CHST9: variants seen among roughly 807,000 people sequenced by gnomAD.
CHST9 encodes carbohydrate sulfotransferase 9.
Under a neutral mutation model 44.4 loss-of-function variants are expected in CHST9, and 41 were observed. The ratio of observed to expected loss-of-function variants is 0.92; its 90% CI spans 0.72 to 1.20. The LOEUF is 1.20. Ranked by LOEUF, CHST9 falls within the 50% of genes most tolerant of loss-of-function variation. The probability of loss-of-function intolerance (pLI) is 0.00; values close to 1 mark genes in which losing one functional copy is unlikely to be tolerated. For missense variants in CHST9, 504 were observed against 516.5 expected, an observed-to-expected ratio of 0.98 and a Z score of 0.23; for synonymous variants, 171 against 178.4, an observed-to-expected ratio of 0.96 and a Z score of 0.33.
chr18:27,013,322 G>A (rs961998512), intron 4 of CHST9, among the ~76,000 whole-genome samples: 7 of 152,072 alleles, frequency 4.6e-5, no homozygotes, highest in South Asian at 2.1e-4. Flanking sequence ...AGCCCTTTAC[G>A]CACAACATTG....
rs1024738522 is a variant in CHST9 at position 26,908,454 on chromosome 18, A to C, written c.*7805T>G. 1 of 152,200 alleles carries C rather than the reference A, an allele frequency of 6.6e-6. No homozygotes were observed. Among genetic ancestry groups the C allele is most frequent in the Admixed American group, 6.5e-5 (1 of 15,270 alleles). The allele number at this position is 152,200 out of a possible 1,614,324, so 9.4% of individuals were successfully genotyped here. On this transcript the variant is annotated 3_prime_UTR_variant, in exon 6 of 6. Coordinates refer to ENST00000618847, the MANE Select transcript of CHST9 (RefSeq NM_031422.6). Reference sequence around the variant, plus strand: ...TAGGTAAGATGGGGAGGGATAGGAAAATATTCATTAAAAGGATACCAAAAA... The same window carrying C: ...TAGGTAAGATGGGGAGGGATAGGAACATATTCATTAAAAGGATACCAAAAA...
chr18:27,084,847 G>C (rs1046363770), intron 2 of CHST9, among the ~76,000 whole-genome samples: 3 of 151,876 alleles, frequency 2.0e-5, no homozygotes, highest in African/African-American at 7.3e-5. Context: ...CTAGTATGCT[G>C]TATCTCTGTT....
At chr18:27,140,160 A>G (rs2143862082) in intron 2 of CHST9, among the ~76,000 whole-genome samples, 1 of 152,312 alleles carries the variant, frequency 6.6e-6, no homozygotes, top group South Asian at 2.1e-4. Flanking sequence ...GAAGTGATAC[A>G]TTGAGCAGAG....
intron 2 of CHST9, among the ~76,000 whole-genome samples, chr18:27,137,287 T>C (rs919752344): frequency 6.9e-6 from 1 of 145,686 alleles, no homozygotes; most frequent in Non-Finnish European, 1.5e-5. Flanking sequence ...AATCTGTATA[T>C]ATTGATTTAT....
chr18:27,048,356 C>G, intron 3 of CHST9, 109 bp downstream of exon 3: 4 of 831,618 alleles, frequency 4.8e-6, no homozygotes, highest in Non-Finnish European at 7.7e-6. Flanking sequence ...AGTTCAAAAA[C>G]CATAAACTAT....
At chr18:27,115,634 C>A (rs1413275437) in intron 2 of CHST9, among the ~76,000 whole-genome samples, 1 of 152,086 alleles carries the variant, frequency 6.6e-6, no homozygotes, top group African/African-American at 2.4e-5. Context: ...CCTGCCTCAG[C>A]CTGCTGTGTA....
intron 2 of CHST9, among the ~76,000 whole-genome samples, chr18:27,079,454 A>G (rs2143675533): frequency 6.6e-6 from 1 of 152,296 alleles, no homozygotes; most frequent in African/African-American, 2.4e-5. Flanking sequence ...TGATGATATA[A>G]TATTTTCTAT....
At chr18:27,123,428 G>C (rs1373845075) in intron 2 of CHST9, among the ~76,000 whole-genome samples, 1 of 152,110 alleles carries the variant, frequency 6.6e-6, no homozygotes, top group Non-Finnish European at 1.5e-5. Flanking sequence ...TAATATCCTA[G>C]AGAGACTTTT....
chr18:27,091,767 G>C (rs1011716037), intron 2 of CHST9, among the ~76,000 whole-genome samples: 1 of 152,088 alleles, frequency 6.6e-6, no homozygotes, highest in Non-Finnish European at 1.5e-5. Context: ...TGCATATGTT[G>C]AACCAGCTTT....
intron 4 of CHST9, among the ~76,000 whole-genome samples, chr18:27,013,416 TG>T (rs1257940408): frequency 1.3e-5 from 2 of 152,226 alleles, no homozygotes; most frequent in East Asian, 3.8e-4. Flanking sequence ...ATAATTTGAT[TG>T]ATCATTTGGC....
At chr18:26,948,742 T>A (rs987882560) in intron 4 of CHST9, among the ~76,000 whole-genome samples, 1 of 152,132 alleles carries the variant, frequency 6.6e-6, no homozygotes, top group Admixed American at 6.5e-5. Context: ...GTTAACAATA[T>A]CCACCCTTTC....
At chr18:27,011,260 G>A (rs1179713645) in intron 4 of CHST9, among the ~76,000 whole-genome samples, 1 of 152,144 alleles carries the variant, frequency 6.6e-6, no homozygotes, top group African/African-American at 2.4e-5. Context: ...CCACTGAAGT[G>A]GCTTTCATTT....
At chr18:27,016,279 C>T (rs771942274) in intron 4 of CHST9, among the ~76,000 whole-genome samples, 14 of 152,202 alleles carry the variant, frequency 9.2e-5, no homozygotes, top group African/African-American at 1.4e-4. Flanking sequence ...TCTTTCCTAC[C>T]TCACTCTACC....
intron 5 of CHST9, among the ~76,000 whole-genome samples, chr18:26,920,242 T>A (rs1181560208): frequency 6.6e-6 from 1 of 152,212 alleles, no homozygotes; most frequent in Non-Finnish European, 1.5e-5. Context: ...TGTCTCACCT[T>A]CCAGTTCAGT....
intron 3 of CHST9, among the ~76,000 whole-genome samples, chr18:27,040,658 A>T (rs2057434769): frequency 6.6e-6 from 1 of 152,164 alleles, no homozygotes; most frequent in Non-Finnish European, 1.5e-5. Context: ...ATTTTCAGTT[A>T]AATAATCAGA....
intron 1 of CHST9, among the ~76,000 whole-genome samples, chr18:27,161,489 T>A (rs1401958808): frequency 6.6e-6 from 1 of 152,210 alleles, no homozygotes; most frequent in Non-Finnish European, 1.5e-5. Flanking sequence ...TTTGTTATAA[T>A]TTCTATTCTT....
chr18:26,967,814 A>G (rs996375934), intron 4 of CHST9, among the ~76,000 whole-genome samples: 6 of 152,204 alleles, frequency 3.9e-5, no homozygotes, highest in Admixed American at 1.3e-4. Flanking sequence ...ATCTGGGTGG[A>G]CACAATCTAA....
At chr18:26,974,022 G>A (rs1156988740) in intron 4 of CHST9, among the ~76,000 whole-genome samples, 1 of 152,196 alleles carries the variant, frequency 6.6e-6, no homozygotes, top group Non-Finnish European at 1.5e-5. Flanking sequence ...ACACTGAGAT[G>A]TTTTTAATCA....
intron 2 of CHST9, among the ~76,000 whole-genome samples, chr18:27,123,137 G>A (rs1311822807): frequency 1.3e-5 from 2 of 152,136 alleles, no homozygotes; most frequent in African/African-American, 4.8e-5. Context: ...CCCAATGTGG[G>A]GATTCTATCA....
Sources: allele counts gnomAD v4.1 joint callset (sites outside exome capture counted in the v4.1 genomes callset), GRCh38; gene constraint gnomAD v4.1.1; transcripts MANE v1.5; gene names NCBI Gene and HGNC (gene_info 2026-07-23, HGNC 2026-07-21).